ZMYND12: variants seen among roughly 807,000 people sequenced by gnomAD.
ZMYND12 encodes the protein zinc finger MYND-type containing 12.
In ZMYND12, 32 loss-of-function variants were observed where a neutral mutation model predicts 41.7. The observed-to-expected ratio is 0.77, with a 90% CI of 0.58 to 1.03. The LOEUF (loss-of-function observed/expected upper bound fraction) is 1.03, where lower values mean the gene tolerates loss of function less well. ZMYND12 is among the 50% of genes least tolerant of loss of function. The probability of loss-of-function intolerance (pLI) is 0.00; values close to 1 mark genes in which losing one functional copy is unlikely to be tolerated. For synonymous variants in ZMYND12, 148 were observed against 164.8 expected (o/e 0.90, Z 0.78); for missense variants, 424 against 438.5 (o/e 0.97, Z 0.30).
At chr1:42,450,125 C>A in intron 1 of ZMYND12, 66 bp from the exon 2 acceptor site, 1 of 1,571,936 alleles carries the variant, frequency 6.4e-7, no homozygotes, top group Non-Finnish European at 8.6e-7. Flanking sequence ...CATTAACCCT[C>A]CTACTGGCCT....
intron 1 of ZMYND12, among the ~76,000 whole-genome samples, chr1:42,454,571 G>A (rs929855886): frequency 9.9e-5 from 15 of 152,136 alleles, no homozygotes; most frequent in South Asian, 4.1e-4. Flanking sequence ...ACACAAATGA[G>A]AGCATGTCAG....
chr1:42,448,720 C>T, intron 2 of ZMYND12, 82 bp from the exon 3 acceptor site: 1 of 1,383,754 alleles, frequency 7.2e-7, no homozygotes, highest in Admixed American at 2.3e-5. Flanking sequence ...GGGATAAGGC[C>T]AACACCTAAT....
intron 3 of ZMYND12, among the ~76,000 whole-genome samples, chr1:42,443,277 C>A (rs752277605): frequency 6.6e-6 from 1 of 152,154 alleles, no homozygotes. Context: ...AGCTTGTGAC[C>A]AGTGAGTGCG....
rs189657919 is a variant in ZMYND12 at position 42,455,177 on chromosome 1, G to A, written c.110+711C>T. Among the ~76,000 whole-genome samples the A allele has an allele frequency of 7.2e-5, 11 of 152,286 alleles. No individual in the cohort carries two copies. In the East Asian group the frequency reaches 2.1e-3, roughly 29 times the overall value. ...ATTTGCCCTAGCAGTCCCGGATGCC[G>A]GGAATGCCCTACCCTTCTTCACTAC... On this transcript the variant is annotated intron_variant, in intron 1 of 7. Coordinates refer to ENST00000372565, the MANE Select transcript of ZMYND12 (RefSeq NM_032257.5).
At chr1:42,444,645 A>C (rs1029311360) in intron 3 of ZMYND12, among the ~76,000 whole-genome samples, 113 of 152,160 alleles carry the variant, frequency 7.4e-4, no homozygotes, top group Admixed American at 6.5e-4. Flanking sequence ...TGTGCTAAGT[A>C]CTGGGCTGAG....
At chr1:42,442,847 G>A (rs976139853) in intron 3 of ZMYND12, among the ~76,000 whole-genome samples, 1 of 152,138 alleles carries the variant, frequency 6.6e-6, no homozygotes, top group Non-Finnish European at 1.5e-5. Flanking sequence ...AGGTCAAAGT[G>A]CAAACTAAAA....
rs532879263 is a variant in ZMYND12 at position 42,440,041 on chromosome 1, A to G, written c.425-16T>C. The G allele has an allele frequency of 1.3e-6, 2 of 1,585,650 alleles. No homozygotes were observed. The highest frequency in any genetic ancestry group is 2.3e-5 in the South Asian group (2 of 85,956). On this transcript the variant is annotated splice_polypyrimidine_tract_variant and intron_variant, in intron 3 of 7. Coordinates refer to ENST00000372565, the MANE Select transcript of ZMYND12 (RefSeq NM_032257.5). ...CGGCCCAGACCTGCCCAAAAGCAGAAAAGAAGGTTATAATTCATATCCAGG... is the reference window on the plus strand; with the variant it reads ...CGGCCCAGACCTGCCCAAAAGCAGAGAAGAAGGTTATAATTCATATCCAGG...
intron 1 of ZMYND12, among the ~76,000 whole-genome samples, chr1:42,450,647 T>C (rs1325080254): frequency 6.6e-6 from 1 of 152,222 alleles, no homozygotes; most frequent in Non-Finnish European, 1.5e-5. Context: ...TTTTCTAGTT[T>C]CTTAAGATGA....
intron 2 of ZMYND12, among the ~76,000 whole-genome samples, chr1:42,449,251 C>A (rs1643056886): frequency 6.6e-6 from 1 of 152,200 alleles, no homozygotes; most frequent in East Asian, 1.9e-4. Flanking sequence ...GTTTTGGTAA[C>A]CTCCTTTATT....
intron 7 of ZMYND12, 35 bp downstream of exon 7, chr1:42,433,108 C>T: frequency 6.2e-7 from 1 of 1,602,036 alleles, no homozygotes; most frequent in Non-Finnish European, 8.5e-7. Flanking sequence ...TTTCTACCTT[C>T]ATTTTAGACG....
chr1:42,438,767 G>T (rs1642933211), intron 4 of ZMYND12, among the ~76,000 whole-genome samples: 1 of 152,158 alleles, frequency 6.6e-6, no homozygotes, highest in Non-Finnish European at 1.5e-5. Flanking sequence ...CATTGTACAG[G>T]CGGGCAACCA....
At chr1:42,437,231 A>G (rs944681678) in intron 4 of ZMYND12, among the ~76,000 whole-genome samples, 5 of 152,188 alleles carry the variant, frequency 3.3e-5, no homozygotes, top group Non-Finnish European at 7.3e-5. Context: ...CTGTCCTGAG[A>G]AGGCAAATTT....
At chr1:42,441,483 A>T (rs903207358) in intron 3 of ZMYND12, among the ~76,000 whole-genome samples, 4 of 152,224 alleles carry the variant, frequency 2.6e-5, no homozygotes, top group South Asian at 2.1e-4. Context: ...GCTTTAAATC[A>T]TCTCTAAATT....
intron 4 of ZMYND12, among the ~76,000 whole-genome samples, chr1:42,437,645 T>C (rs949190400): frequency 6.6e-6 from 1 of 151,368 alleles, no homozygotes; most frequent in South Asian, 2.1e-4. Context: ...TCCGAGCGGC[T>C]GGCATGACAG....
intron 3 of ZMYND12, among the ~76,000 whole-genome samples, chr1:42,446,858 G>A (rs1415649534): frequency 2.6e-5 from 4 of 152,114 alleles, no homozygotes; most frequent in African/African-American, 9.7e-5. Context: ...GCTCTTTAGA[G>A]GTATGTTCCA....
At chr1:42,449,221 A>T (rs1475513536) in intron 2 of ZMYND12, among the ~76,000 whole-genome samples, 1 of 152,184 alleles carries the variant, frequency 6.6e-6, no homozygotes, top group Non-Finnish European at 1.5e-5. Flanking sequence ...ACTCAACACT[A>T]TACATAATAA....
chr1:42,447,042 G>C (rs992591819), intron 3 of ZMYND12, among the ~76,000 whole-genome samples: 1 of 152,128 alleles, frequency 6.6e-6, no homozygotes, highest in Non-Finnish European at 1.5e-5. Flanking sequence ...ATAACTAAAT[G>C]AATACATTGA....
Position 42,430,628 on chromosome 1 carries a change from G to C in ZMYND12, c.*108C>G. 7.0e-7 allele frequency: 1 copy of C among 1,422,434 alleles called. No individual in the cohort carries two copies. Among genetic ancestry groups the C allele is most frequent in the Non-Finnish European group, 9.6e-7 (1 of 1,042,950 alleles). 88.1% of individuals were successfully genotyped at this position (1,422,434 alleles called of 1,614,324 possible). A position where few individuals can be genotyped will look rare whatever the true frequency, so the allele number is the denominator to read the frequency against. ...ATGTGTGCAATCCCAGGGGAAGAGGGTGGAAACTTCAGCAGTCTACAGTAC... is the reference window on the plus strand; with the variant it reads ...ATGTGTGCAATCCCAGGGGAAGAGGCTGGAAACTTCAGCAGTCTACAGTAC... On this transcript the variant is annotated 3_prime_UTR_variant, in exon 8 of 8. Coordinates refer to ENST00000372565, the MANE Select transcript of ZMYND12 (RefSeq NM_032257.5).
intron 1 of ZMYND12, among the ~76,000 whole-genome samples, chr1:42,453,627 G>A (rs928365278): frequency 6.6e-6 from 1 of 152,216 alleles, no homozygotes; most frequent in African/African-American, 2.4e-5. Context: ...CTTCCGGCTG[G>A]AGGGATACAG....
Sources: gnomAD v4.1 joint callset for allele counts (sites outside exome capture counted in the v4.1 genomes callset) on GRCh38, gnomAD v4.1.1 for gene constraint, MANE v1.5 for transcripts, NCBI Gene and HGNC (gene_info 2026-07-23, HGNC 2026-07-21) for gene names.